ME3: variants seen among roughly 807,000 people sequenced by gnomAD.
ME3 encodes malic enzyme 3.
A neutral mutation model predicts 68.9 loss-of-function variants in ME3; 48 were observed. The observed-to-expected ratio is 0.70, with a 90% CI of 0.55 to 0.89. The LOEUF (loss-of-function observed/expected upper bound fraction) is 0.89, where lower values mean the gene tolerates loss of function less well. Ranked by LOEUF, ME3 falls within the 40% of genes least tolerant of loss-of-function variation. The probability of loss-of-function intolerance (pLI) is 0.00; values close to 1 mark genes in which losing one functional copy is unlikely to be tolerated. For missense variants in ME3, 675 were observed against 797.4 expected (o/e 0.85, Z 1.85); for synonymous variants, 320 against 318.8 (o/e 1.00, Z -0.04).
At chr11:86,589,085 T>A (rs1169592693) in intron 2 of ME3, among the ~76,000 whole-genome samples, 3 of 152,052 alleles carry the variant, frequency 2.0e-5, no homozygotes, top group Non-Finnish European at 4.4e-5. Flanking sequence ...TGGGAAGAAA[T>A]CTCATTGGCC....
intron 14 of ME3, 146 bp from the exon 15 acceptor site, chr11:86,441,586 A>G (rs1371950679): frequency 2.6e-6 from 2 of 767,702 alleles, no homozygotes; most frequent in Non-Finnish European, 4.0e-6. Flanking sequence ...ACAACTGGAT[A>G]GGAAGGATTT....
At chr11:86,501,573 C>T (rs1952728730) in intron 5 of ME3, among the ~76,000 whole-genome samples, 1 of 152,212 alleles carries the variant, frequency 6.6e-6, no homozygotes, top group Admixed American at 6.5e-5. Flanking sequence ...AGATAACTGT[C>T]TGCTGGACAT....
At chr11:86,498,247 A>G in intron 5 of ME3, 123 bp from the exon 6 acceptor site, 1 of 1,188,058 alleles carries the variant, frequency 8.4e-7, no homozygotes, top group Middle Eastern at 2.1e-4. Flanking sequence ...GGTGTGAAAG[A>G]GCTTGTCTGG....
intron 12 of ME3, among the ~76,000 whole-genome samples, 197 bp from the exon 13 acceptor site, chr11:86,446,684 G>T (rs912125932): frequency 6.6e-6 from 1 of 152,218 alleles, no homozygotes; most frequent in Non-Finnish European, 1.5e-5. Context: ...TTATCTAGCA[G>T]CCAAGAAACT....
intron 7 of ME3, among the ~76,000 whole-genome samples, chr11:86,475,851 G>GTATATATA (rs68158647): frequency 5.5e-4 from 63 of 114,624 alleles, no homozygotes; most frequent in African/African-American, 1.9e-3. Context: ...CTAATATTCA[G>GTATATATA]TATATATATA....
intron 4 of ME3, among the ~76,000 whole-genome samples, chr11:86,529,537 T>G (rs1048403094): frequency 3.3e-5 from 5 of 152,146 alleles, no homozygotes; most frequent in Admixed American, 6.6e-5. Context: ...TACCAAAGCC[T>G]GGCAGAGACA....
At chr11:86,441,202 G>A (rs1948975484) in exon 15 of ME3, 1 of 1,313,052 alleles carries the variant, frequency 7.6e-7, no homozygotes, top group Non-Finnish European at 1.0e-6. Context: ...GATTCACTTG[G>A]GCCATTTTGG....
chr11:86,503,082 C>G (rs1048124044), intron 5 of ME3, among the ~76,000 whole-genome samples: 1 of 152,034 alleles, frequency 6.6e-6, no homozygotes, highest in Non-Finnish European at 1.5e-5. Flanking sequence ...CTCTTTCTAC[C>G]GCAAAAATAA....
intron 2 of ME3, among the ~76,000 whole-genome samples, chr11:86,590,952 A>G (rs1364247168): frequency 6.6e-6 from 1 of 152,040 alleles, no homozygotes; most frequent in Non-Finnish European, 1.5e-5. Flanking sequence ...AGGTGAAAAC[A>G]TAGATTCAAG....
At chr11:86,575,322 T>C (rs1958040541) in intron 2 of ME3, among the ~76,000 whole-genome samples, 1 of 146,734 alleles carries the variant, frequency 6.8e-6, no homozygotes. Flanking sequence ...AGGGTCCACT[T>C]TAGCTAATGT....
At chr11:86,525,921 G>T (rs1954706578) in intron 4 of ME3, among the ~76,000 whole-genome samples, 1 of 151,548 alleles carries the variant, frequency 6.6e-6, no homozygotes, top group Admixed American at 6.6e-5. Flanking sequence ...AACTGCTCCA[G>T]TCTACAGCTC....
chr11:86,634,479 T>C lies in ME3; in HGVS notation c.183+37283A>G, dbSNP rs187266753. Among the ~76,000 whole-genome samples, 736 of 152,342 alleles carry C rather than the reference T, an allele frequency of 4.8e-3. 7 individuals carry two copies. The highest frequency in any genetic ancestry group is 0.041 in the Middle Eastern group (12 of 294). ...TAATCAGATCATGAGACTGTCTTTC[T>C]TACTGTCGCTCAGCTTACCTGTGTC... On this transcript the variant is annotated intron_variant, in intron 2 of 14. Coordinates refer to ENST00000543262, the Ensembl canonical transcript of ME3.
chr11:86,509,930 T>C (rs1054491905), intron 4 of ME3, among the ~76,000 whole-genome samples: 2 of 152,148 alleles, frequency 1.3e-5, no homozygotes, highest in African/African-American at 4.8e-5. Flanking sequence ...CCATAGAATC[T>C]AGGGTACATT....
At position 86,659,658 on chromosome 11, in the gene ME3, C is replaced by A. The variant is rs146360549; in HGVS notation, c.183+12104G>T. On this transcript the variant is annotated intron_variant, in intron 2 of 14. Coordinates refer to ENST00000543262, the Ensembl canonical transcript of ME3. The stretch of plus-strand genomic sequence containing the variant: ...GAGACTATCTTAAAACTTCCTGCCC[C>A]GTCTAACTGCTAGCTGGGTGAAGTT... Among the ~76,000 whole-genome samples, 1,336 of 152,262 alleles carry A rather than the reference C, an allele frequency of 8.8e-3. 27 individuals are homozygous for A. The highest frequency in any genetic ancestry group is 0.03 in the African/African-American group (1,249 of 41,550).
intron 2 of ME3, among the ~76,000 whole-genome samples, chr11:86,576,413 C>T (rs975362818): frequency 6.6e-6 from 1 of 152,194 alleles, no homozygotes; most frequent in Non-Finnish European, 1.5e-5. Flanking sequence ...CAGTGTCCAT[C>T]CCCAGCACCC....
intron 7 of ME3, among the ~76,000 whole-genome samples, chr11:86,477,899 A>T (rs1215014067): frequency 3.3e-5 from 5 of 152,090 alleles, no homozygotes; most frequent in Admixed American, 6.6e-5. Context: ...ACCATGCAAA[A>T]TCTGGCTGTT....
chr11:86,663,524 AG>A (rs1338781281), intron 2 of ME3, among the ~76,000 whole-genome samples: 1 of 152,190 alleles, frequency 6.6e-6, no homozygotes, highest in Non-Finnish European at 1.5e-5. Flanking sequence ...CCACCCCCAA[AG>A]GATTTCCCGA....
intron 2 of ME3, among the ~76,000 whole-genome samples, chr11:86,584,271 C>T (rs1421896167): frequency 6.6e-6 from 1 of 152,070 alleles, no homozygotes; most frequent in Non-Finnish European, 1.5e-5. Flanking sequence ...TGTGTTATTA[C>T]CTCACCTCTG....
chr11:86,490,986 C>T (rs371139998), intron 6 of ME3, among the ~76,000 whole-genome samples: 2 of 152,090 alleles, frequency 1.3e-5, no homozygotes, highest in East Asian at 1.9e-4. Context: ...TGCTGAGATA[C>T]AAGGGTGACT....
Sources: allele counts gnomAD v4.1 joint callset (sites outside exome capture counted in the v4.1 genomes callset), GRCh38; gene constraint gnomAD v4.1.1; transcripts MANE v1.5; gene names NCBI Gene and HGNC (gene_info 2026-07-23, HGNC 2026-07-21).